ATF7IP2: variants seen among roughly 807,000 people sequenced by gnomAD.
The protein encoded by ATF7IP2 is activating transcription factor 7-interacting protein 2.
In ATF7IP2, 42 loss-of-function variants were observed where a neutral mutation model predicts 64.2. The ratio of observed to expected loss-of-function variants is 0.65; its 90% confidence interval spans 0.51 to 0.85. The LOEUF is 0.85. ATF7IP2 is among the 40% of genes least tolerant of loss of function. The pLI, the probability that ATF7IP2 is intolerant of heterozygous loss-of-function variation, is 0.00. For synonymous variants in ATF7IP2, 308 were observed against 272.8 expected, an observed-to-expected ratio of 1.13 and a Z score of -1.27; for missense variants, 933 against 784.2, an observed-to-expected ratio of 1.19 and a Z score of -2.27.
chr16:10,397,449 T>C (rs958329328), intron 1 of ATF7IP2, among the ~76,000 whole-genome samples: 2 of 152,236 alleles, frequency 1.3e-5, no homozygotes, highest in South Asian at 4.1e-4. Context: ...GCAGTATTAA[T>C]TCTTCCAAAA....
intron 1 of ATF7IP2, among the ~76,000 whole-genome samples, chr16:10,393,022 C>G (rs1252457929): frequency 1.3e-5 from 2 of 151,368 alleles, no homozygotes; most frequent in Admixed American, 1.3e-4. Context: ...AAAAATGAAA[C>G]CATTAGGCCA....
intron 1 of ATF7IP2, among the ~76,000 whole-genome samples, chr16:10,410,104 G>A (rs1379031879): frequency 6.6e-6 from 1 of 151,976 alleles, no homozygotes; most frequent in Admixed American, 6.6e-5. Context: ...TTCTAGTTTT[G>A]TGAAGAAGAT....
rs1405435629 is a variant in ATF7IP2, at chr16:10,389,800, C to T, written c.-242+3678C>T. Among the ~76,000 whole-genome samples, 5 of 152,182 alleles carry T rather than the reference C, an allele frequency of 3.3e-5. No individual in the cohort carries two copies. The South Asian group carries it at 1.0e-3, about 32-fold the overall frequency. ...AAAAGTAATGTCAGAATTCTATTAG[C>T]ATTCAGGTGATGCGGATGCTGCTGG... is the stretch of plus-strand genomic sequence containing the variant. On this transcript the variant is annotated intron_variant, in intron 1 of 13. Coordinates refer to ENST00000562102, the MANE Select transcript of ATF7IP2 (RefSeq NM_001393719.1).
At chr16:10,418,286 C>T (rs954123263) in intron 2 of ATF7IP2, among the ~76,000 whole-genome samples, 5 of 152,224 alleles carry the variant, frequency 3.3e-5, no homozygotes, top group African/African-American at 9.6e-5. Context: ...TCCTTGCCCT[C>T]ATTCTGGTAA....
chr16:10,410,623 T>C (rs1483779713), intron 1 of ATF7IP2, among the ~76,000 whole-genome samples: 1 of 152,198 alleles, frequency 6.6e-6, no homozygotes, highest in African/African-American at 2.4e-5. Context: ...CCTTTATTTC[T>C]TTCTCTTTTC....
chr16:10,470,444 A>G (rs9926545), intron 9 of ATF7IP2, among the ~76,000 whole-genome samples: 11,917 of 152,096 alleles, frequency 0.078, 955 homozygotes, highest in African/African-American at 0.2. Flanking sequence ...CCCAAATTGT[A>G]TATCTATCAA....
chr16:10,458,390 T>G (rs1455154057), intron 9 of ATF7IP2, among the ~76,000 whole-genome samples: 10 of 152,200 alleles, frequency 6.6e-5, no homozygotes, highest in African/African-American at 2.4e-4. Flanking sequence ...AAAGTGCTAG[T>G]GATGGAAGTG....
At chr16:10,464,749 G>A (rs2049496605) in intron 9 of ATF7IP2, among the ~76,000 whole-genome samples, 1 of 152,190 alleles carries the variant, frequency 6.6e-6, no homozygotes, top group South Asian at 2.1e-4. Context: ...ACAGGAAGGA[G>A]TTACTAGCCA....
In ATF7IP2 at chr16:10,473,539, G is replaced by GTAAT; in HGVS notation, c.1482+6_1482+9dup. 1 of 1,535,814 alleles carries GTAAT rather than the reference G, an allele frequency of 6.5e-7. No individual in the cohort carries two copies. The highest frequency in any genetic ancestry group is 8.9e-7 in the Non-Finnish European group (1 of 1,118,628). On this transcript the variant is annotated splice_donor_region_variant and intron_variant, in intron 11 of 13. Transcript: ENST00000562102. Reference sequence around the variant, plus strand: ...TCTCCCAATGCTGAAGTTATGGTGAGTAATAAATATTGACTCTGAATATTG... The same window carrying GTAAT: ...TCTCCCAATGCTGAAGTTATGGTGAGTAATTAATAAATATTGACTCTGAATATTG...
At chr16:10,480,422 C>T (rs1411962222) in intron 12 of ATF7IP2, among the ~76,000 whole-genome samples, 5 of 152,006 alleles carry the variant, frequency 3.3e-5, no homozygotes, top group Non-Finnish European at 7.4e-5. Flanking sequence ...CTTTTCCCCA[C>T]TCCACATTTT....
chr16:10,470,788 AATATATATATATGT>A (rs2049767290), intron 9 of ATF7IP2, among the ~76,000 whole-genome samples: 2 of 148,346 alleles, frequency 1.3e-5, no homozygotes, highest in Non-Finnish European at 3.0e-5. Flanking sequence ...GTCTCTTAAA[AATATATATATATGT>A]ATATATATAT....
intron 1 of ATF7IP2, chr16:10,386,539 A>G (rs779688810): frequency 3.3e-5 from 5 of 152,122 alleles, no homozygotes; most frequent in East Asian, 3.8e-4. Flanking sequence ...CCCATTGCCA[A>G]ATTTTCTTGA....
intron 12 of ATF7IP2, among the ~76,000 whole-genome samples, chr16:10,474,678 C>A (rs1235679193): frequency 6.6e-6 from 1 of 151,924 alleles, no homozygotes; most frequent in Middle Eastern, 3.2e-3. Context: ...ACCCACATAC[C>A]CAAGGTGTTT....
chr16:10,452,706 C>T (rs557619068), intron 8 of ATF7IP2, among the ~76,000 whole-genome samples: 2 of 152,282 alleles, frequency 1.3e-5, no homozygotes. Flanking sequence ...TACTGAAGCC[C>T]TCAGGTGCTC....
chr16:10,401,837 G>A (rs1266029008), intron 1 of ATF7IP2, among the ~76,000 whole-genome samples: 1 of 151,440 alleles, frequency 6.6e-6, no homozygotes, highest in East Asian at 1.9e-4. Flanking sequence ...TTAAGGCTTA[G>A]GAGGTTGTAT....
intron 1 of ATF7IP2, among the ~76,000 whole-genome samples, chr16:10,398,034 G>C (rs1455016979): frequency 6.6e-6 from 1 of 152,044 alleles, no homozygotes; most frequent in East Asian, 1.9e-4. Flanking sequence ...ACTGGGCATG[G>C]TGGCTCAAGC....
chr16:10,473,893 G>GATTTTT, intron 11 of ATF7IP2, 30 bp from the exon 12 acceptor site: 5 of 874,712 alleles, frequency 5.7e-6, no homozygotes, highest in African/African-American at 4.1e-5. Context: ...TTGAGGCAAA[G>GATTTTT]CTTTTTTTTT....
chr16:10,410,626 C>T (rs2047740378), intron 1 of ATF7IP2, among the ~76,000 whole-genome samples: 1 of 152,148 alleles, frequency 6.6e-6, no homozygotes, highest in South Asian at 2.1e-4. Flanking sequence ...TTATTTCTTT[C>T]TCTTTTCTGA....
intron 3 of ATF7IP2, among the ~76,000 whole-genome samples, chr16:10,423,620 G>T (rs566882158): frequency 7.4e-4 from 112 of 152,272 alleles, no homozygotes; most frequent in Non-Finnish European, 1.9e-4. Flanking sequence ...TGGAGGGTCA[G>T]GCCACTCTTT....
Sources: allele counts gnomAD v4.1 joint callset (sites outside exome capture counted in the v4.1 genomes callset), GRCh38; gene constraint gnomAD v4.1.1; transcripts MANE v1.5; gene names NCBI Gene and HGNC (gene_info 2026-07-23, HGNC 2026-07-21).